ATF6: variants seen among roughly 807,000 people sequenced by gnomAD.
ATF6 encodes activating transcription factor 6, also known as cyclic AMP-dependent transcription factor ATF-6 alpha.
A neutral mutation model predicts 83.6 loss-of-function variants in ATF6; 53 were observed. The ratio of observed to expected loss-of-function variants is 0.63; its 90% CI spans 0.51 to 0.80. The LOEUF is 0.80. ATF6 is among the 30% of genes least tolerant of loss of function. The probability of loss-of-function intolerance (pLI) is 0.00; values close to 1 mark genes in which losing one functional copy is unlikely to be tolerated. For synonymous variants in ATF6, 288 were observed against 285.8 expected, an observed-to-expected ratio of 1.01 and a Z score of -0.08; for missense variants, 744 against 797.9, an observed-to-expected ratio of 0.93 and a Z score of 0.81.
At chr1:161,944,618 T>G (rs1057217039) in intron 15 of ATF6, among the ~76,000 whole-genome samples, 1 of 152,220 alleles carries the variant, frequency 6.6e-6, no homozygotes, top group Non-Finnish European at 1.5e-5. Context: ...GTCATCTCAC[T>G]GTGTTGTATT....
At chr1:161,929,744 C>T (rs1350380252) in intron 15 of ATF6, among the ~76,000 whole-genome samples, 2 of 152,104 alleles carry the variant, frequency 1.3e-5, no homozygotes, top group Admixed American at 6.5e-5. Flanking sequence ...CTTAATATCA[C>T]AAAAAGATGA....
chr1:161,874,235 T>A (rs1310643326), intron 14 of ATF6, among the ~76,000 whole-genome samples: 1 of 151,620 alleles, frequency 6.6e-6, no homozygotes, highest in Non-Finnish European at 1.5e-5. Flanking sequence ...CATTTTAACC[T>A]CTGGAATGAA....
At chr1:161,841,695 C>T (rs1006522679) in intron 9 of ATF6, among the ~76,000 whole-genome samples, 10 of 152,086 alleles carry the variant, frequency 6.6e-5, no homozygotes, top group South Asian at 2.1e-4. Flanking sequence ...TCATTGAATG[C>T]GTCTGAGCTC....
chr1:161,789,418 G>T (rs1235897934), intron 4 of ATF6, among the ~76,000 whole-genome samples: 2 of 151,668 alleles, frequency 1.3e-5, no homozygotes, highest in African/African-American at 4.8e-5. Flanking sequence ...TGTGATGTTT[G>T]TCTTTCTGTG....
chr1:161,888,785 T>C (rs1687485671), intron 14 of ATF6, among the ~76,000 whole-genome samples: 1 of 152,296 alleles, frequency 6.6e-6, no homozygotes, highest in East Asian at 1.9e-4. Flanking sequence ...ATCATGTATT[T>C]TTCCCTGCCT....
intron 9 of ATF6, among the ~76,000 whole-genome samples, chr1:161,828,621 A>G (rs1291400134): frequency 1.3e-5 from 2 of 152,206 alleles, no homozygotes; most frequent in Non-Finnish European, 2.9e-5. Flanking sequence ...GGAGACTGTT[A>G]TTAAGTACCT....
In ATF6 at chr1:161,874,899, G is replaced by C. The variant is rs533293276; in HGVS notation, c.1719+11587G>C. ...TGTCTGTCTATCTATCCATCTCCTT[G>C]TTTTCTATATATTTGACCCTAACCT... On this transcript the variant is annotated intron_variant, in intron 14 of 15. Transcript: ENST00000367942. Among the ~76,000 whole-genome samples the C allele has an allele frequency of 8.6e-5, 13 of 151,748 alleles. No homozygotes were observed. The East Asian group carries it at 2.5e-3, about 29-fold the overall frequency.
At chr1:161,842,894 A>G (rs1686391738) in intron 9 of ATF6, among the ~76,000 whole-genome samples, 3 of 152,274 alleles carry the variant, frequency 2.0e-5, no homozygotes, top group Non-Finnish European at 4.4e-5. Flanking sequence ...GTTCAAAAAC[A>G]ATCACAAATA....
At chr1:161,930,653 A>G (rs1428323059) in intron 15 of ATF6, among the ~76,000 whole-genome samples, 3 of 152,216 alleles carry the variant, frequency 2.0e-5, no homozygotes, top group Non-Finnish European at 4.4e-5. Flanking sequence ...AAATAACTTT[A>G]TGCAGAGATA....
At chr1:161,851,233 AACACACACACACACACACAC>A (rs60202873) in intron 10 of ATF6, among the ~76,000 whole-genome samples, 15 of 75,488 alleles carry the variant, frequency 2.0e-4, no homozygotes, top group South Asian at 1.6e-3. Flanking sequence ...CCCTATCCTT[AACACACACACACACACACAC>A]ACACACACAC....
chr1:161,879,409 A>T (rs1283199382), intron 14 of ATF6, among the ~76,000 whole-genome samples: 1 of 152,034 alleles, frequency 6.6e-6, no homozygotes, highest in Non-Finnish European at 1.5e-5. Context: ...GTGTAGAGTT[A>T]CAGTTGATTA....
rs753433280 is a variant in ATF6 at position 161,958,461 on chromosome 1, G to A, written c.1820G>A (p.Gly607Glu). 3 of 1,606,422 alleles carry A rather than the reference G, an allele frequency of 1.9e-6. No homozygotes were observed. The highest frequency in any genetic ancestry group is 4.5e-5 in the East Asian group (2 of 44,736). ...CTGTCTGCAGAGAATGTGATCAATG[G>A]GCAGGACTACGAAGTGATGATGCAG... ...AININENVIN[G>E]QDYEVMMQID... Residue 607 changes from glycine (G) to glutamate (E), a missense_variant, in exon 16 of 16, where the codon GGG becomes GAG. By Grantham distance (98) the Gly-to-Glu change is moderately conservative (BLOSUM62 -2). Coordinates refer to ENST00000367942, the MANE Select transcript of ATF6 (RefSeq NM_007348.4).
At chr1:161,833,401 C>G (rs1284949724) in intron 9 of ATF6, among the ~76,000 whole-genome samples, 1 of 151,992 alleles carries the variant, frequency 6.6e-6, no homozygotes, top group African/African-American at 2.4e-5. Flanking sequence ...CAAAGCTGGA[C>G]GGAGAATGAC....
At chr1:161,887,971 C>T (rs1222498148) in intron 14 of ATF6, among the ~76,000 whole-genome samples, 1 of 152,150 alleles carries the variant, frequency 6.6e-6, no homozygotes, top group Non-Finnish European at 1.5e-5. Flanking sequence ...CATGCAAGTG[C>T]ATTAAATAAC....
chr1:161,817,260 TTAAAG>T (rs1255888615), intron 7 of ATF6, among the ~76,000 whole-genome samples: 2 of 152,234 alleles, frequency 1.3e-5, no homozygotes, highest in Non-Finnish European at 2.9e-5. Flanking sequence ...TAATTAGCCT[TTAAAG>T]TAAGGTTGCC....
chr1:161,864,163 T>C (rs967578110), intron 14 of ATF6, among the ~76,000 whole-genome samples: 21 of 152,050 alleles, frequency 1.4e-4, no homozygotes, highest in Non-Finnish European at 3.1e-4. Context: ...ACTGAGTAGC[T>C]GGCTTTCTTT....
chr1:161,806,204 A>G (rs1395801862), intron 7 of ATF6, among the ~76,000 whole-genome samples: 1 of 152,194 alleles, frequency 6.6e-6, no homozygotes, highest in Non-Finnish European at 1.5e-5. Context: ...TTGGAACTAC[A>G]AAGTTGACTT....
intron 9 of ATF6, among the ~76,000 whole-genome samples, chr1:161,828,844 A>G (rs942322021): frequency 6.6e-6 from 1 of 152,178 alleles, no homozygotes. Context: ...TTCTCAGAAG[A>G]GACACTTTAT....
At chr1:161,849,060 A>G (rs1238416023) in intron 10 of ATF6, among the ~76,000 whole-genome samples, 1 of 152,074 alleles carries the variant, frequency 6.6e-6, no homozygotes, top group Non-Finnish European at 1.5e-5. Context: ...GACTTTTCTC[A>G]TGGACTACAG....
Sources: allele counts gnomAD v4.1 joint callset (sites outside exome capture counted in the v4.1 genomes callset), GRCh38; gene constraint gnomAD v4.1.1; transcripts MANE v1.5; gene names NCBI Gene and HGNC (gene_info 2026-07-23, HGNC 2026-07-21).